A2M: variants seen among roughly 807,000 people sequenced by gnomAD.
The protein encoded by A2M is alpha-2-macroglobulin, also known as C3 and PZP-like alpha-2-macroglobulin domain-containing protein 5.
A2M carries 128 observed loss-of-function variants against 183.9 expected under a neutral mutation model. The ratio of observed to expected loss-of-function variants is 0.70; its 90% CI spans 0.60 to 0.81. The LOEUF (loss-of-function observed/expected upper bound fraction) is 0.81. Among genes scored for constraint, A2M ranks in the 30% least tolerant of loss-of-function variants. A2M has a pLI of 0.00. For missense variants in A2M, 1,495 were observed against 1,787.6 expected (o/e 0.84, Z 2.95); for synonymous variants, 592 against 670.8 (o/e 0.88, Z 1.81).
chr12:9,103,812 C>G (rs916401204), intron 11 of A2M, among the ~76,000 whole-genome samples: 4 of 152,082 alleles, frequency 2.6e-5, no homozygotes, highest in African/African-American at 7.2e-5. Flanking sequence ...CTGTTCATCC[C>G]TTGATGGACA....
chr12:9,074,628 A>T lies in A2M; in HGVS notation c.3688T>A (p.Ser1230Thr). 6.2e-7 allele frequency: 1 copy of T among 1,613,948 alleles called. No individual in the cohort carries two copies. ...QPAPTSEDLTSATNIVKWITK... is the reference protein window; with the variant it reads ...QPAPTSEDLTTATNIVKWITK... Reference sequence around the variant, plus strand: ...ATCCACTTCACGATGTTGGTTGCAGAGGTCAGGTCCTCCGAGGTTGGGGCT... The same window carrying T: ...ATCCACTTCACGATGTTGGTTGCAGTGGTCAGGTCCTCCGAGGTTGGGGCT... Residue 1230 changes from serine (S) to threonine (T), a missense_variant, in exon 29 of 36, where the codon TCT becomes ACT. Physicochemically the swap from Ser to Thr is moderately conservative, Grantham distance 58 (BLOSUM62 1). Coordinates refer to ENST00000318602, the MANE Select transcript of A2M (RefSeq NM_000014.6).
intron 7 of A2M, among the ~76,000 whole-genome samples, chr12:9,109,047 T>TGC (rs1269455044): frequency 1.3e-5 from 2 of 151,970 alleles, no homozygotes; most frequent in African/African-American, 4.8e-5. Context: ...TGTGTGTGTG[T>TGC]GTGTGCAGTT....
At chr12:9,078,589 G>T (rs1265528246) in intron 25 of A2M, among the ~76,000 whole-genome samples, 1 of 152,068 alleles carries the variant, frequency 6.6e-6, no homozygotes, top group Non-Finnish European at 1.5e-5. Flanking sequence ...TGGTATTTCT[G>T]GTTCTAGATC....
At chr12:9,108,687 T>A (rs1316142862) in intron 7 of A2M, among the ~76,000 whole-genome samples, 1 of 152,204 alleles carries the variant, frequency 6.6e-6, no homozygotes, top group Non-Finnish European at 1.5e-5. Context: ...TGCTACTGTG[T>A]GCCACCATGG....
chr12:9,116,116 G>A (rs1049107488), upstream of A2M: 5 of 431,564 alleles, frequency 1.2e-5, no homozygotes, highest in Non-Finnish European at 1.7e-5. Flanking sequence ...TCCCATTCCC[G>A]TAAGAGCTCA....
chr12:9,075,278 C>T (rs1014745260), intron 28 of A2M, among the ~76,000 whole-genome samples: 4 of 152,154 alleles, frequency 2.6e-5, no homozygotes, highest in Admixed American at 2.6e-4. Context: ...CCAATATACA[C>T]TGCTGTGGGA....
In A2M at chr12:9,115,858, A is replaced by C; in HGVS notation, c.-9T>G. 1 of 1,611,138 alleles carries C rather than the reference A, an allele frequency of 6.2e-7. No homozygotes were observed. Among genetic ancestry groups the C allele is most frequent in the Non-Finnish European group, 8.5e-7 (1 of 1,177,476 alleles). On this transcript the variant is annotated 5_prime_UTR_variant, in exon 1 of 36. Coordinates refer to ENST00000318602, the MANE Select transcript of A2M (RefSeq NM_000014.6). The stretch of plus-strand genomic sequence containing the variant: ...AGTTTGTTCTTCCCCATGTTGCAGA[A>C]AGAAGGAGCTGGAGGAGAACAGACT...
At position 9,068,205 on chromosome 12, in the gene A2M, C is replaced by T. The variant is rs1226282307; in HGVS notation, c.4386G>A (p.Glu1462=). The part of the protein sequence containing the change: ...YYETDEFAIA[E]YNAPCSKDLG... ...TACCTTTGCTGCAAGGAGCATTGTA[C>T]TCAGCAATTGCAAACTCATCTGAAA... Residue 1462 remains glutamate, a synonymous_variant, in exon 35 of 36, where the codon GAG becomes GAA. Coordinates refer to ENST00000318602, the MANE Select transcript of A2M (RefSeq NM_000014.6). The T allele has an allele frequency of 1.2e-6, 2 of 1,610,720 alleles. No homozygotes were observed. The highest frequency in any genetic ancestry group is 3.3e-5 in the Admixed American group (2 of 59,876).
chr12:9,083,203 A>G (rs1948957683), intron 22 of A2M, among the ~76,000 whole-genome samples: 1 of 152,108 alleles, frequency 6.6e-6, no homozygotes, highest in Non-Finnish European at 1.5e-5. Context: ...GAACACTTGG[A>G]CACAGGAAGG....
chr12:9,103,155 TG>T (rs1938018823), intron 11 of A2M, among the ~76,000 whole-genome samples: 2 of 152,134 alleles, frequency 1.3e-5, no homozygotes, highest in Non-Finnish European at 2.9e-5. Context: ...TAAAACTAAA[TG>T]CTAATTATGT....
intron 8 of A2M, among the ~76,000 whole-genome samples, chr12:9,106,899 A>C (rs1367551341): frequency 6.6e-6 from 1 of 152,220 alleles, no homozygotes; most frequent in East Asian, 1.9e-4. Flanking sequence ...ATATTTATAC[A>C]TATTTATGGG....
rs778299738 is a variant in A2M, at chr12:9,079,715, A to G, written c.2955T>C (p.Tyr985=). The G allele has an allele frequency of 3.1e-6, 5 of 1,613,648 alleles. No individual in the cohort carries two copies. Among genetic ancestry groups the G allele is most frequent in the Non-Finnish European group, 4.2e-6 (5 of 1,179,812 alleles). The change falls in exon 24 of 36, where the codon TAT becomes TAC. Residue 985 remains tyrosine, a synonymous_variant. Transcript: ENST00000318602. Reference sequence around the variant, plus strand: ...GTGTTTCATTTAGATAATCCAGTACATAGATGTTAGGAGCAAAGAGGACCA... The same window carrying G: ...GTGTTTCATTTAGATAATCCAGTACGTAGATGTTAGGAGCAAAGAGGACCA... ...QNMVLFAPNI[Y]VLDYLNETQQ... is the part of the protein sequence containing the mutation.
At chr12:9,106,176 A>G (rs1196599222) in intron 10 of A2M, 60 bp downstream of exon 10, 9 of 976,454 alleles carry the variant, frequency 9.2e-6, no homozygotes, top group Non-Finnish European at 1.3e-5. Context: ...ACAAACCATA[A>G]CTATTGTGCT....
At chr12:9,097,051 TTTA>T (rs1366914578) in intron 15 of A2M, among the ~76,000 whole-genome samples, 3 of 152,208 alleles carry the variant, frequency 2.0e-5, no homozygotes, top group Non-Finnish European at 4.4e-5. Context: ...AAGCTTCTGC[TTTA>T]TTATTAATAA....
rs1211266473 is a variant in A2M, at chr12:9,093,582, A to G, written c.2126-3T>C. ...GCCTCTTCCCATTACATCTGACTCTATGGTGAGTGAGGAAGAAGACATTAC... is the reference window on the plus strand; with the variant it reads ...GCCTCTTCCCATTACATCTGACTCTGTGGTGAGTGAGGAAGAAGACATTAC... On this transcript the variant is annotated splice_polypyrimidine_tract_variant and splice_region_variant and intron_variant, in intron 17 of 35. Coordinates refer to ENST00000318602, the MANE Select transcript of A2M (RefSeq NM_000014.6). 10 of 1,126,988 alleles carry G rather than the reference A, an allele frequency of 8.9e-6. No individual in the cohort carries two copies. The highest frequency in any genetic ancestry group is 7.3e-5 in the East Asian group (3 of 41,136). 69.8% of individuals were successfully genotyped at this position (1,126,988 alleles called of 1,614,324 possible).
chr12:9,095,406 T>A (rs1949342909), intron 16 of A2M, 133 bp downstream of exon 16: 1 of 825,734 alleles, frequency 1.2e-6, no homozygotes, highest in Non-Finnish European at 1.8e-6. Context: ...CTGCTATTAG[T>A]AGAGAAGCCA....
rs764541910 is a variant in A2M at position 9,091,390 on chromosome 12, G to A, written c.2280C>T (p.Asp760=). 6 of 1,614,212 alleles carry A rather than the reference G, an allele frequency of 3.7e-6. No individual in the cohort carries two copies. Among genetic ancestry groups the A allele is most frequent in the Admixed American group, 1.7e-5 (1 of 60,028 alleles). ...GVAEVGVTVP[D]TITEWKAGAF... is the part of the protein sequence containing the mutation. ...CCCCTGCCTTCCACTCGGTGATGGTGTCAGGGACTGTTACTCCTACCTCAG... is the reference window on the plus strand; with the variant it reads ...CCCCTGCCTTCCACTCGGTGATGGTATCAGGGACTGTTACTCCTACCTCAG... The change falls in exon 19 of 36, where the codon GAC becomes GAT. Residue 760 remains aspartate, a synonymous_variant. Transcript: ENST00000318602.
chr12:9,093,708 A>G, intron 17 of A2M, 129 bp from the exon 18 acceptor site: 1 of 541,378 alleles, frequency 1.8e-6, no homozygotes, highest in Non-Finnish European at 3.1e-6. Flanking sequence ...GAAGGAGGAG[A>G]GGGCGCTTGG....
At chr12:9,092,112 G>A (rs1027980433) in intron 18 of A2M, among the ~76,000 whole-genome samples, 1 of 152,168 alleles carries the variant, frequency 6.6e-6, no homozygotes, top group Non-Finnish European at 1.5e-5. Flanking sequence ...CCTGCACTGG[G>A]AAGCAGAAGG....
Sources: gnomAD v4.1 joint callset for allele counts (sites outside exome capture counted in the v4.1 genomes callset) on GRCh38, gnomAD v4.1.1 for gene constraint, MANE v1.5 for transcripts, NCBI Gene and HGNC (gene_info 2026-07-23, HGNC 2026-07-21) for gene names.